ATP6V1A: variants seen among roughly 807,000 people sequenced by gnomAD.
ATP6V1A encodes the protein V-type proton ATPase catalytic subunit A.
Under a neutral mutation model 70.1 loss-of-function variants are expected in ATP6V1A, and 18 were observed. The ratio of observed to expected loss-of-function variants is 0.26; its 90% CI spans 0.18 to 0.38. The LOEUF (loss-of-function observed/expected upper bound fraction) is 0.38. Among genes scored for constraint, ATP6V1A ranks in the 10% least tolerant of loss-of-function variants. The probability of loss-of-function intolerance (pLI) is 1.00; values close to 1 mark genes in which losing one functional copy is unlikely to be tolerated. For synonymous variants in ATP6V1A, 232 were observed against 253.8 expected (o/e 0.91, Z 0.82); for missense variants, 424 against 772.4 (o/e 0.55, Z 5.35).
At chr3:113,784,932 T>TA (rs1709021289) in intron 5 of ATP6V1A, 99 bp downstream of exon 5, 1 of 1,298,642 alleles carries the variant, frequency 7.7e-7, no homozygotes, top group Admixed American at 2.5e-5. Flanking sequence ...TGATATTTAA[T>TA]ACATAAGTTT....
intron 1 of ATP6V1A, among the ~76,000 whole-genome samples, chr3:113,764,649 G>C (rs1198626448): frequency 6.6e-6 from 1 of 152,088 alleles, no homozygotes; most frequent in Non-Finnish European, 1.5e-5. Flanking sequence ...AAATCAATAG[G>C]ATCTTCTTTG....
chr3:113,747,884 G>A (rs1708541376), intron 1 of ATP6V1A, among the ~76,000 whole-genome samples: 1 of 152,152 alleles, frequency 6.6e-6, no homozygotes, highest in South Asian at 2.1e-4. Context: ...GGAAGAGTGA[G>A]TAGGGTTCCC....
At chr3:113,783,713 CA>C (rs997999046) in intron 3 of ATP6V1A, among the ~76,000 whole-genome samples, 1 of 152,146 alleles carries the variant, frequency 6.6e-6, no homozygotes, top group Non-Finnish European at 1.5e-5. Context: ...AGATAATAAA[CA>C]GTTTCATTAT....
At chr3:113,796,747 A>AT (rs1256598159) in intron 11 of ATP6V1A, among the ~76,000 whole-genome samples, 2 of 152,238 alleles carry the variant, frequency 1.3e-5, no homozygotes, top group African/African-American at 4.8e-5. Flanking sequence ...CAGAGGCTAA[A>AT]TGTACAACTC....
intron 1 of ATP6V1A, among the ~76,000 whole-genome samples, chr3:113,770,864 G>A (rs941364193): frequency 3.9e-5 from 6 of 152,126 alleles, no homozygotes; most frequent in African/African-American, 1.4e-4. Flanking sequence ...GGAGGCCGAG[G>A]CGGGCAGATC....
At chr3:113,795,965 C>CT in intron 11 of ATP6V1A, 26 bp downstream of exon 11, 1 of 1,568,508 alleles carries the variant, frequency 6.4e-7, no homozygotes. Context: ...GTATAGTCAA[C>CT]TTCTGAGCCT....
intron 1 of ATP6V1A, among the ~76,000 whole-genome samples, chr3:113,760,480 G>A (rs1267921533): frequency 6.6e-6 from 1 of 152,228 alleles, no homozygotes. Context: ...TGTAATCCCA[G>A]CACTTTGGGA....
intron 1 of ATP6V1A, among the ~76,000 whole-genome samples, chr3:113,755,394 A>G (rs1708636599): frequency 6.7e-6 from 1 of 149,542 alleles, no homozygotes; most frequent in Non-Finnish European, 1.5e-5. Flanking sequence ...GCTTGAGCCC[A>G]GGAATTGAAG....
At position 113,795,207 on chromosome 3, in the gene ATP6V1A, A is replaced by G. The variant is rs1308847606; in HGVS notation, c.1226+3A>G. 9 of 1,613,498 alleles carry G rather than the reference A, an allele frequency of 5.6e-6. No individual in the cohort carries two copies. Among genetic ancestry groups the G allele is most frequent in the Non-Finnish European group, 7.6e-6 (9 of 1,179,700 alleles). The stretch of plus-strand genomic sequence containing the variant: ...GGGAGTGTCAGCATTGTAGGAGCGT[A>G]AGCACCCACACTATTTACTTTGCAA... On this transcript the variant is annotated splice_donor_region_variant and intron_variant, in intron 10 of 14. Coordinates refer to ENST00000273398, the MANE Select transcript of ATP6V1A (RefSeq NM_001690.4).
At chr3:113,754,248 G>A (rs933465801) in intron 1 of ATP6V1A, among the ~76,000 whole-genome samples, 1 of 152,178 alleles carries the variant, frequency 6.6e-6, no homozygotes, top group Non-Finnish European at 1.5e-5. Flanking sequence ...AACAGGCTGG[G>A]CATGGTGGCT....
chr3:113,773,000 C>T (rs1160093387), intron 1 of ATP6V1A, among the ~76,000 whole-genome samples: 8 of 122,152 alleles, frequency 6.5e-5, no homozygotes, highest in East Asian at 2.8e-4. Context: ...TGCAGTGGTG[C>T]GATCTCGGTT....
intron 1 of ATP6V1A, among the ~76,000 whole-genome samples, chr3:113,753,906 A>T (rs1162421752): frequency 6.6e-6 from 1 of 152,002 alleles, no homozygotes; most frequent in East Asian, 1.9e-4. Context: ...CTTATTGCCC[A>T]GGCCATCATG....
At chr3:113,774,926 AAATATTGACCTTGT>A (rs1708891416) in intron 1 of ATP6V1A, among the ~76,000 whole-genome samples, 1 of 152,162 alleles carries the variant, frequency 6.6e-6, no homozygotes, top group Non-Finnish European at 1.5e-5. Flanking sequence ...TATTTAAAAG[AAATATTGACCTTGT>A]GAAATACTTC....
At chr3:113,760,044 G>T (rs1011984893) in intron 1 of ATP6V1A, among the ~76,000 whole-genome samples, 39 of 152,218 alleles carry the variant, frequency 2.6e-4, no homozygotes, top group Non-Finnish European at 2.2e-4. Flanking sequence ...TACCAGAGGA[G>T]CAGGCAGTTA....
At chr3:113,757,367 T>C (rs1708656667) in intron 1 of ATP6V1A, among the ~76,000 whole-genome samples, 1 of 152,144 alleles carries the variant, frequency 6.6e-6, no homozygotes, top group African/African-American at 2.4e-5. Context: ...CTCAGAGTAG[T>C]ATAAAGCAAC....
intron 1 of ATP6V1A, among the ~76,000 whole-genome samples, chr3:113,764,786 A>AG (rs1277835795): frequency 6.6e-6 from 1 of 152,136 alleles, no homozygotes; most frequent in African/African-American, 2.4e-5. Context: ...AATAAAAAAA[A>AG]TAAGGCCCGG....
At chr3:113,765,217 ATGT>A (rs140526283) in intron 1 of ATP6V1A, among the ~76,000 whole-genome samples, 41 of 152,128 alleles carry the variant, frequency 2.7e-4, no homozygotes, top group African/African-American at 9.9e-4. Flanking sequence ...AGTCACATTG[ATGT>A]TTTATCTTTT....
At chr3:113,770,866 G>A (rs1399205306) in intron 1 of ATP6V1A, among the ~76,000 whole-genome samples, 2 of 151,838 alleles carry the variant, frequency 1.3e-5, no homozygotes, top group Non-Finnish European at 2.9e-5. Context: ...AGGCCGAGGC[G>A]GGCAGATCAC....
chr3:113,771,159 G>A (rs1271707217), intron 1 of ATP6V1A, among the ~76,000 whole-genome samples: 1 of 151,830 alleles, frequency 6.6e-6, no homozygotes, highest in African/African-American at 2.4e-5. Context: ...TTGAAAGTTG[G>A]TGTTCTAGGA....
Sources: allele counts gnomAD v4.1 joint callset (sites outside exome capture counted in the v4.1 genomes callset), GRCh38; gene constraint gnomAD v4.1.1; transcripts MANE v1.5; gene names NCBI Gene and HGNC (gene_info 2026-07-23, HGNC 2026-07-21).